SYN3: variants seen among roughly 807,000 people sequenced by gnomAD.
SYN3 encodes the protein synapsin-3.
In SYN3, 35 loss-of-function variants were observed where a neutral mutation model predicts 65.8. The ratio of observed to expected loss-of-function variants is 0.53; its 90% CI spans 0.41 to 0.70. The LOEUF (loss-of-function observed/expected upper bound fraction) is 0.70. Ranked by LOEUF, SYN3 falls within the 30% of genes least tolerant of loss-of-function variation. SYN3 has a pLI of 0.00. For synonymous variants in SYN3, 270 were observed against 292.9 expected, an observed-to-expected ratio of 0.92 and a Z score of 0.80; for missense variants, 680 against 749.0, an observed-to-expected ratio of 0.91 and a Z score of 1.08.
intron 6 of SYN3, among the ~76,000 whole-genome samples, chr22:32,649,478 T>C (rs1293084485): frequency 1.3e-5 from 2 of 152,184 alleles, no homozygotes; most frequent in Non-Finnish European, 2.9e-5. Flanking sequence ...AATGAGGAAA[T>C]TGAGACTTTG....
At position 32,931,178 on chromosome 22, in the gene SYN3, C is replaced by A; in HGVS notation, c.461+212G>T. ...GAACCCAAGTCTTTTCTCTCCAAGCCCAGGGCTCACTTGGGGACACCACAG... is the reference window on the plus strand; with the variant it reads ...GAACCCAAGTCTTTTCTCTCCAAGCACAGGGCTCACTTGGGGACACCACAG... On this transcript the variant is annotated intron_variant, in intron 4 of 13. Transcript: ENST00000358763. 3 of 484,398 alleles carry A rather than the reference C, an allele frequency of 6.2e-6. No individual in the cohort carries two copies. The South Asian group carries it at 8.2e-5, about 13-fold the overall frequency. 30.0% of individuals were successfully genotyped at this position (484,398 alleles called of 1,614,324 possible).
At chr22:32,800,054 T>G (rs2046526537) in intron 6 of SYN3, among the ~76,000 whole-genome samples, 1 of 152,200 alleles carries the variant, frequency 6.6e-6, no homozygotes, top group Non-Finnish European at 1.5e-5. Flanking sequence ...CCCTTTCCTA[T>G]GGCTAAAGTG....
chr22:32,517,964 G>GT, intron 13 of SYN3, 79 bp downstream of exon 13: 1 of 1,373,858 alleles, frequency 7.3e-7, no homozygotes, highest in Non-Finnish European at 9.5e-7. Context: ...TTGTCTCCAA[G>GT]TCCCTAACCC....
At chr22:33,035,603 C>T (rs933999246) in intron 1 of SYN3, among the ~76,000 whole-genome samples, 11 of 152,244 alleles carry the variant, frequency 7.2e-5, no homozygotes, top group East Asian at 1.9e-4. Context: ...ATTTGAGACA[C>T]GGTCTTGCCC....
chr22:32,725,131 A>AAACAC (rs570548812), intron 6 of SYN3, among the ~76,000 whole-genome samples: 148 of 152,240 alleles, frequency 9.7e-4, no homozygotes, highest in East Asian at 2.7e-3. Flanking sequence ...AAAACAAAAC[A>AAACAC]AACACAACAC....
chr22:32,858,589 A>T (rs775382101), intron 6 of SYN3, among the ~76,000 whole-genome samples: 2 of 152,134 alleles, frequency 1.3e-5, no homozygotes, highest in Non-Finnish European at 1.5e-5. Context: ...TCTCTTTACC[A>T]GGCCCATCCC....
intron 6 of SYN3, among the ~76,000 whole-genome samples, chr22:32,600,801 C>T (rs1181059365): frequency 6.6e-6 from 1 of 152,084 alleles, no homozygotes; most frequent in Admixed American, 6.5e-5. Context: ...AATTCTCCTG[C>T]CTCAGACTTC....
chr22:33,010,061 C>T (rs1372162933), intron 1 of SYN3, among the ~76,000 whole-genome samples: 4 of 151,856 alleles, frequency 2.6e-5, no homozygotes, highest in Admixed American at 2.0e-4. Context: ...GGAGAAACCC[C>T]GTCTCTACTA....
intron 4 of SYN3, among the ~76,000 whole-genome samples, chr22:32,913,542 G>A (rs1385214078): frequency 6.6e-6 from 1 of 151,978 alleles, no homozygotes; most frequent in Non-Finnish European, 1.5e-5. Context: ...GGCAGGCAGA[G>A]GAGAATGTGG....
chr22:32,948,643 A>G (rs1215246575), intron 3 of SYN3, among the ~76,000 whole-genome samples: 1 of 152,106 alleles, frequency 6.6e-6, no homozygotes, highest in South Asian at 2.1e-4. Context: ...AGGCTGAGGC[A>G]GGAGAATGGC....
At chr22:32,555,403 T>C (rs745414328) in intron 7 of SYN3, among the ~76,000 whole-genome samples, 9 of 152,230 alleles carry the variant, frequency 5.9e-5, no homozygotes, top group Non-Finnish European at 1.2e-4. Flanking sequence ...TATTGCCCTA[T>C]TTCAATCACC....
In SYN3 at chr22:33,045,468, T is replaced by C. The variant is rs1000572672; in HGVS notation, c.-163+12824A>G. Among the ~76,000 whole-genome samples the C allele has an allele frequency of 1.5e-4, 20 of 135,430 alleles. No individual in the cohort carries two copies. In the South Asian group the frequency reaches 2.6e-3, roughly 18 times the overall value. 88.8% of individuals were successfully genotyped at this position (135,430 alleles called of 152,430 possible). On this transcript the variant is annotated intron_variant, in intron 1 of 13. Transcript: ENST00000358763. ...CAGGTGGCTCTACTTTCTTTTTTTT[T>C]TTTTTTTTTTTTTTTTTGAGATGGA...
At position 32,508,305 on chromosome 22, in the gene SYN3, C is replaced by G. The variant is rs1017970406; in HGVS notation, c.*5387G>C. Among the ~76,000 whole-genome samples the G allele has an allele frequency of 6.6e-6, 1 of 152,176 alleles. No homozygotes were observed. The highest frequency in any genetic ancestry group is 1.5e-5 in the Non-Finnish European group (1 of 68,032). On this transcript the variant is annotated 3_prime_UTR_variant, in exon 14 of 14. Coordinates refer to ENST00000358763, the MANE Select transcript of SYN3 (RefSeq NM_003490.4). ...TCCCGCACTGAGCACCTTGTGACCC[C>G]CGCCCCTGCCCACCAGAGAACAACC...
At chr22:33,045,058 T>G (rs1419063724) in intron 1 of SYN3, among the ~76,000 whole-genome samples, 1 of 152,112 alleles carries the variant, frequency 6.6e-6, no homozygotes, top group African/African-American at 2.4e-5. Context: ...GGTCAGGCTG[T>G]TCTCGAACTC....
At chr22:32,553,199 T>C (rs918839426) in intron 7 of SYN3, among the ~76,000 whole-genome samples, 3 of 152,220 alleles carry the variant, frequency 2.0e-5, no homozygotes, top group Admixed American at 6.5e-5. Flanking sequence ...CTCCAACATA[T>C]GGGCTTTACC....
intron 1 of SYN3, among the ~76,000 whole-genome samples, chr22:33,052,113 G>A (rs1209845440): frequency 6.6e-6 from 1 of 152,148 alleles, no homozygotes; most frequent in Admixed American, 6.5e-5. Context: ...ACAAGTCAGC[G>A]GCAGCCACTG....
chr22:33,027,632 A>G (rs528657950), intron 1 of SYN3, among the ~76,000 whole-genome samples: 96 of 96,784 alleles, frequency 9.9e-4, no homozygotes, highest in Middle Eastern at 5.0e-3. Context: ...AGACAGACAG[A>G]CAGACAGAGA....
chr22:32,540,048 T>C (rs2058228738), intron 8 of SYN3, among the ~76,000 whole-genome samples: 1 of 152,136 alleles, frequency 6.6e-6, no homozygotes, highest in African/African-American at 2.4e-5. Context: ...ATGAGCTCCA[T>C]CCCTTTCCTG....
At chr22:32,998,106 A>G (rs187238337) in intron 2 of SYN3, among the ~76,000 whole-genome samples, 61 of 152,178 alleles carry the variant, frequency 4.0e-4, no homozygotes, top group Admixed American at 9.2e-4. Flanking sequence ...ATTGCCAATA[A>G]CGCACCACCT....
Sources: gnomAD v4.1 joint callset for allele counts (sites outside exome capture counted in the v4.1 genomes callset) on GRCh38, gnomAD v4.1.1 for gene constraint, MANE v1.5 for transcripts, NCBI Gene and HGNC (gene_info 2026-07-23, HGNC 2026-07-21) for gene names.